MAGEB10: variants seen among roughly 807,000 people sequenced by gnomAD.
MAGEB10 encodes MAGE family member B10, also known as melanoma-associated antigen B10.
For synonymous variants in MAGEB10, 99 were observed against 101.0 expected, an observed-to-expected ratio of 0.98 and a Z score of 0.12; for missense variants, 190 against 261.9, an observed-to-expected ratio of 0.73 and a Z score of 1.89.
rs964131342 is a variant in MAGEB10, at chrX:27,822,974, G to A, written c.*624G>A. On this transcript the variant is annotated 3_prime_UTR_variant, in exon 3 of 3. Transcript: ENST00000356790. ...AGCTTGCAGTGAGCCAAGATCACAC[G>A]ACTGCATTCTAGCCTGGGTGACAGA... 1.8e-5 allele frequency: 2 copies of A among 110,822 alleles called. No homozygotes were observed. Among genetic ancestry groups the A allele is most frequent in the African/African-American group, 3.3e-5 (1 of 29,963 alleles). The allele number at this position is 110,822 out of a possible 1,213,427, so 9.1% of individuals were successfully genotyped here.
chrX:27,810,442 G>A (rs1923656644), intron 1 of MAGEB10, among the ~76,000 whole-genome samples: 1 of 111,878 alleles, frequency 8.9e-6, no homozygotes, highest in African/African-American at 3.3e-5. Flanking sequence ...ACTATGCTCT[G>A]CCACGTGTTA....
chrX:27,815,325 T>G (rs1460088717), intron 1 of MAGEB10, among the ~76,000 whole-genome samples: 2 of 112,558 alleles, frequency 1.8e-5, no homozygotes, highest in African/African-American at 6.5e-5. Flanking sequence ...CACTTGGAAC[T>G]TCTCTGATAA....
At chrX:27,817,122 A>G (rs1375664454) in intron 1 of MAGEB10, among the ~76,000 whole-genome samples, 2 of 108,379 alleles carry the variant, frequency 1.8e-5, no homozygotes, top group Non-Finnish European at 3.9e-5. Flanking sequence ...GACACCTGAC[A>G]GCAAAAAATC....
At chrX:27,821,216 T>C in intron 2 of MAGEB10, 42 bp from the exon 3 acceptor site, 1 of 790,220 alleles carries the variant, frequency 1.3e-6, no homozygotes, top group South Asian at 2.5e-5. Flanking sequence ...GTTGTATCTC[T>C]CTGCTGAATG....
At chrX:27,809,331 T>A (rs1923609665) in intron 1 of MAGEB10, among the ~76,000 whole-genome samples, 1 of 100,446 alleles carries the variant, frequency 1.0e-5, no homozygotes. Context: ...TTCCTTCCCG[T>A]GGGGCAGGGC....
intron 1 of MAGEB10, among the ~76,000 whole-genome samples, chrX:27,808,506 T>G (rs751481815): frequency 9.0e-6 from 1 of 111,314 alleles, no homozygotes; most frequent in Admixed American, 9.4e-5. Context: ...GCGGTTGGTA[T>G]CTGGTCAGCA....
rs921897773 is a variant in MAGEB10 at position 27,822,463 on chromosome X, C to T, written c.*113C>T. ...TGAATAATATGTTTGTGTTAATGTT[C>T]TATGTGATGGCTTGGAATTTTTGAA... is the stretch of plus-strand genomic sequence containing the variant. On this transcript the variant is annotated 3_prime_UTR_variant, in exon 3 of 3. Transcript: ENST00000356790. 4.1e-6 allele frequency: 3 copies of T among 729,716 alleles called. No individual in the cohort carries two copies. The African/African-American group carries it at 6.5e-5, about 16-fold the overall frequency. The allele number at this position is 729,716 out of a possible 1,213,427, so 60.1% of individuals were successfully genotyped here.
chrX:27,822,032 G>A lies in MAGEB10; in HGVS notation c.726G>A (p.Gly242=), dbSNP rs752910887. 1.7e-6 allele frequency: 2 copies of A among 1,211,806 alleles called. No individual in the cohort carries two copies. The highest frequency in any genetic ancestry group is 2.2e-5 in the Admixed American group (1 of 46,045). The change falls in exon 3 of 3, where the codon GGG becomes GGA. Residue 242 remains glycine (G), a synonymous_variant. Transcript: ENST00000356790. ...LYDGIEHFMF[G]EPRKLLTKDL... ...ACGGAATTGAGCACTTCATGTTTGGGGAGCCCAGGAAGCTCCTTACCAAAG... is the reference window on the plus strand; with the variant it reads ...ACGGAATTGAGCACTTCATGTTTGGAGAGCCCAGGAAGCTCCTTACCAAAG...
intron 2 of MAGEB10, among the ~76,000 whole-genome samples, chrX:27,820,739 G>A (rs1923870037): frequency 9.0e-6 from 1 of 111,256 alleles, no homozygotes. Context: ...AAGCCAAGGT[G>A]AAAACCCTGA....
chrX:27,812,548 T>C (rs938701492), intron 1 of MAGEB10: 1 of 166,064 alleles, frequency 6.0e-6, no homozygotes, highest in African/African-American at 3.1e-5. Flanking sequence ...GAGGAGGAAG[T>C]CTGGAAGGTG....
intron 1 of MAGEB10, among the ~76,000 whole-genome samples, chrX:27,810,240 G>A (rs754554179): frequency 8.9e-6 from 1 of 111,756 alleles, no homozygotes; most frequent in African/African-American, 3.3e-5. Flanking sequence ...TTTATGAGCT[G>A]TAACACCACG....
chrX:27,816,677 G>A (rs989944909), intron 1 of MAGEB10, among the ~76,000 whole-genome samples: 1 of 111,996 alleles, frequency 8.9e-6, no homozygotes, highest in South Asian at 3.8e-4. Flanking sequence ...AGATTTACAG[G>A]ATCGTTTTGA....
intron 1 of MAGEB10, chrX:27,812,892 G>T (rs1335983137): frequency 4.4e-6 from 1 of 227,654 alleles, no homozygotes; most frequent in Non-Finnish European, 8.6e-6. Context: ...ACGTTCCAAG[G>T]CCACGTCCAG....
At chrX:27,815,933 A>G (rs1212399782) in intron 1 of MAGEB10, among the ~76,000 whole-genome samples, 1 of 111,222 alleles carries the variant, frequency 9.0e-6, no homozygotes, top group Non-Finnish European at 1.9e-5. Flanking sequence ...AGGTCATTAT[A>G]TGAGGAACCC....
chrX:27,822,327 A>G lies in MAGEB10; in HGVS notation c.1021A>G (p.Ser341Gly), dbSNP rs746306381. 2.5e-6 allele frequency: 3 copies of G among 1,208,119 alleles called. No individual in the cohort carries two copies. In the East Asian group the frequency reaches 8.9e-5, roughly 36 times the overall value. Residue 341 changes from serine (S) to glycine (G), a missense_variant, in exon 3 of 3, where the codon AGC (serine) becomes GGC (glycine). Coordinates refer to ENST00000356790, the MANE Select transcript of MAGEB10 (RefSeq NM_182506.3). ...CGGTGCACGTTCCAAGGTTAAGTCC[A>G]GCAAGTCCTCCCAACTGCAGTAAAG... The part of the protein sequence containing the change: ...TAGARSKVKS[S>G]KSSQLQ
At chrX:27,808,237 G>T (rs1182541783) in intron 1 of MAGEB10, among the ~76,000 whole-genome samples, 1 of 112,323 alleles carries the variant, frequency 8.9e-6, no homozygotes, top group Non-Finnish European at 1.9e-5. Flanking sequence ...CCAGAGATTG[G>T]GGTCTTAGAA....
At position 27,822,646 on chromosome X, in the gene MAGEB10, A is replaced by G; in HGVS notation, c.*296A>G. 3.4e-6 allele frequency: 1 copy of G among 293,404 alleles called. No individual in the cohort carries two copies. The highest frequency in any genetic ancestry group is 1.2e-4 in the South Asian group (1 of 8,154). 24.2% of individuals were successfully genotyped at this position (293,404 alleles called of 1,213,427 possible). ...CCATTTATTTAGTGATCGAAACACG[A>G]TAGCATGGTAGTAAATTAGGCATTT... On this transcript the variant is annotated 3_prime_UTR_variant, in exon 3 of 3. Coordinates refer to ENST00000356790, the MANE Select transcript of MAGEB10 (RefSeq NM_182506.3).
intron 1 of MAGEB10, among the ~76,000 whole-genome samples, chrX:27,814,042 CAA>C (rs1172640987): frequency 1.8e-5 from 2 of 111,343 alleles, no homozygotes; most frequent in Admixed American, 1.9e-4. Context: ...CTGGGAGAAA[CAA>C]GAGCCCACTA....
intron 1 of MAGEB10, chrX:27,811,838 C>G: frequency 8.1e-6 from 1 of 123,229 alleles, no homozygotes; most frequent in South Asian, 2.9e-4. Context: ...CACTTCATCA[C>G]CTGCCATCTG....
Sources: allele counts gnomAD v4.1 joint callset (sites outside exome capture counted in the v4.1 genomes callset), GRCh38; gene constraint gnomAD v4.1.1; transcripts MANE v1.5; gene names NCBI Gene and HGNC (gene_info 2026-07-23, HGNC 2026-07-21).